IPO8: variants seen among roughly 807,000 people sequenced by gnomAD.
IPO8 encodes the protein importin-8.
Under a neutral mutation model 141.2 loss-of-function variants are expected in IPO8, and 65 were observed. The ratio of observed to expected loss-of-function variants is 0.46; its 90% CI spans 0.38 to 0.57. IPO8 has a LOEUF of 0.57. Ranked by LOEUF, IPO8 falls within the 20% of genes least tolerant of loss-of-function variation. The pLI, the probability that IPO8 is intolerant of heterozygous loss-of-function variation, is 0.00. For missense variants in IPO8, 980 were observed against 1,246.8 expected, an observed-to-expected ratio of 0.79 and a Z score of 3.22; for synonymous variants, 411 against 420.3, an observed-to-expected ratio of 0.98 and a Z score of 0.27.
intron 2 of IPO8, 100 bp downstream of exon 2, chr12:30,690,396 C>G: frequency 1.3e-6 from 1 of 744,632 alleles, no homozygotes; most frequent in Non-Finnish European, 2.3e-6. Context: ...GCTAGTGCTT[C>G]TGAATTTTTC....
chr12:30,693,002 T>C, intron 1 of IPO8, among the ~76,000 whole-genome samples: 1 of 152,226 alleles, frequency 6.6e-6, no homozygotes, highest in East Asian at 1.9e-4. Context: ...AATATTTCTG[T>C]GCTATTTACA....
intron 16 of IPO8, among the ~76,000 whole-genome samples, chr12:30,660,843 C>A (rs2052874444): frequency 6.6e-6 from 1 of 151,820 alleles, no homozygotes; most frequent in Non-Finnish European, 1.5e-5. Context: ...ATTTGGTATT[C>A]CCCAAGAACC....
chr12:30,688,957 C>T (rs760896052), intron 2 of IPO8, among the ~76,000 whole-genome samples: 6 of 151,828 alleles, frequency 4.0e-5, no homozygotes, highest in East Asian at 1.9e-4. Context: ...AGACAATAAG[C>T]GAAATGTCCA....
intron 20 of IPO8, among the ~76,000 whole-genome samples, chr12:30,647,603 C>CAAAAAA (rs34098076): frequency 4.9e-4 from 20 of 40,760 alleles, no homozygotes; most frequent in East Asian, 1.6e-3. Flanking sequence ...AGACCGTCTC[C>CAAAAAA]AAAAAAAAAA....
chr12:30,675,230 T>C (rs1169889150), intron 6 of IPO8, among the ~76,000 whole-genome samples: 1 of 152,208 alleles, frequency 6.6e-6, no homozygotes, highest in African/African-American at 2.4e-5. Context: ...CAAGAACTAA[T>C]GTGATAAATT....
intron 8 of IPO8, among the ~76,000 whole-genome samples, chr12:30,672,699 G>A (rs3825307): frequency 0.55 from 83,013 of 151,870 alleles, 23,300 homozygotes; most frequent in African/African-American, 0.67. Flanking sequence ...ACAGCACTGG[G>A]AGGGGCAGAA....
At chr12:30,693,170 A>T (rs1049665396) in intron 1 of IPO8, among the ~76,000 whole-genome samples, 1 of 152,212 alleles carries the variant, frequency 6.6e-6, no homozygotes, top group African/African-American at 2.4e-5. Flanking sequence ...TGGATGAATT[A>T]CTTAAGCAAG....
At chr12:30,648,541 A>G (rs2052679721) in intron 20 of IPO8, among the ~76,000 whole-genome samples, 1 of 152,210 alleles carries the variant, frequency 6.6e-6, no homozygotes, top group Non-Finnish European at 1.5e-5. Context: ...GATGAAATGT[A>G]TGGAACGTGA....
chr12:30,644,739 C>T (rs909283866), intron 20 of IPO8, among the ~76,000 whole-genome samples: 5 of 151,688 alleles, frequency 3.3e-5, no homozygotes, highest in African/African-American at 9.7e-5. Context: ...CTGCAACCTC[C>T]GCCTCTGGGT....
chr12:30,695,607 A>G lies in IPO8; in HGVS notation c.41T>C (p.Ile14Thr). ...NRIIQALKGT[I>T]DPKLRIAAEN... ...GGCTGCAATCCGCAACTTCGGGTCGATGGTGCCCTTCAGCGCCTGGATGAT... is the reference window on the plus strand; with the variant it reads ...GGCTGCAATCCGCAACTTCGGGTCGGTGGTGCCCTTCAGCGCCTGGATGAT... Residue 14 changes from isoleucine (I) to threonine (T), a missense_variant, in exon 1 of 25, where the codon ATC becomes ACC. Physicochemically the swap from Ile to Thr is moderately conservative, Grantham distance 89 (BLOSUM62 -1). This residue lies in a region of IPO8 where 40 missense variants were observed against 46.3 expected (regional missense o/e 0.86). Transcript: ENST00000256079. The surrounding 1 kb of genome is among the most constrained non-coding windows in gnomAD (Gnocchi z 4.2). 6.2e-7 allele frequency: 1 copy of G among 1,614,088 alleles called. No individual in the cohort carries two copies. The highest frequency in any genetic ancestry group is 8.5e-7 in the Non-Finnish European group (1 of 1,179,970).
intron 23 of IPO8, 141 bp downstream of exon 23, chr12:30,633,942 T>C (rs1011747162): frequency 5.2e-5 from 33 of 634,148 alleles, no homozygotes; most frequent in Non-Finnish European, 1.4e-5. Context: ...TATGTATGTT[T>C]GGGGATTTCT....
chr12:30,658,025 T>G (rs2052825789), intron 16 of IPO8, among the ~76,000 whole-genome samples: 2 of 152,214 alleles, frequency 1.3e-5, no homozygotes, highest in South Asian at 4.1e-4. Context: ...CAACATATGT[T>G]GGTATCAAAT....
intron 1 of IPO8, 68 bp from the exon 2 acceptor site, chr12:30,690,645 GTTACT>G (rs2053283518): frequency 1.3e-6 from 1 of 789,652 alleles, no homozygotes; most frequent in Non-Finnish European, 2.1e-6. Context: ...GTTAGCACCG[GTTACT>G]GAATACATTA....
intron 21 of IPO8, among the ~76,000 whole-genome samples, chr12:30,638,600 T>C (rs1189142301): frequency 1.3e-5 from 2 of 152,118 alleles, no homozygotes; most frequent in African/African-American, 4.8e-5. Context: ...GCTCAATTTC[T>C]AGCATAACAC....
chr12:30,662,079 GC>G lies in IPO8; in HGVS notation c.1755+247del, dbSNP rs1352503525. On this transcript the variant is annotated intron_variant, in intron 15 of 24. Transcript: ENST00000256079. Reference sequence around the variant, plus strand: ...CCAAGGCCACAAACCTATACAGTTTGCTAATGTAGTGAATACTTAGGCAATC... The same window carrying G: ...CCAAGGCCACAAACCTATACAGTTTGTAATGTAGTGAATACTTAGGCAATC... 3.9e-5 allele frequency among the ~76,000 whole-genome samples: 6 copies of G among 152,256 alleles called. No homozygotes were observed. In the East Asian group the frequency reaches 1.2e-3, roughly 29 times the overall value.
At chr12:30,671,679 A>AGG (rs2053053678) in intron 8 of IPO8, among the ~76,000 whole-genome samples, 1 of 148,660 alleles carries the variant, frequency 6.7e-6, no homozygotes, top group East Asian at 1.9e-4. Context: ...TGCCTCAAAA[A>AGG]AAAAAAAAAA....
intron 5 of IPO8, among the ~76,000 whole-genome samples, chr12:30,678,024 C>T (rs1213276347): frequency 6.6e-6 from 1 of 150,978 alleles, no homozygotes; most frequent in African/African-American, 2.4e-5. Context: ...TAAATCGAGG[C>T]TGAGGCAGGA....
intron 1 of IPO8, among the ~76,000 whole-genome samples, chr12:30,693,966 C>T (rs1381148737): frequency 6.6e-6 from 1 of 152,144 alleles, no homozygotes; most frequent in Non-Finnish European, 1.5e-5. Flanking sequence ...TCTCCTAGTT[C>T]TGCAGGCTTT....
chr12:30,667,419 T>C (rs2052981853), intron 10 of IPO8, among the ~76,000 whole-genome samples: 1 of 152,066 alleles, frequency 6.6e-6, no homozygotes. Flanking sequence ...AAAACATTAT[T>C]GGGGGAAGTG....
Sources: gnomAD v4.1 joint callset for allele counts (sites outside exome capture counted in the v4.1 genomes callset) on GRCh38, gnomAD v4.1.1 for gene constraint, gnomAD v4.1.1 regional missense constraint, Gnocchi (gnomAD v3.1) non-coding constraint, MANE v1.5 for transcripts, NCBI Gene and HGNC (gene_info 2026-07-23, HGNC 2026-07-21) for gene names.